NEGR1: variants seen among roughly 807,000 people sequenced by gnomAD.
The protein encoded by NEGR1 is IgLON family member 4.
In NEGR1, 10 loss-of-function variants were observed where a neutral mutation model predicts 40.9. The ratio of observed to expected loss-of-function variants is 0.24; its 90% confidence interval spans 0.15 to 0.42. The LOEUF (loss-of-function observed/expected upper bound fraction) is 0.42. Ranked by LOEUF, NEGR1 falls within the 10% of genes least tolerant of loss-of-function variation. The probability of loss-of-function intolerance (pLI) is 1.00; values close to 1 mark genes in which losing one functional copy is unlikely to be tolerated. For synonymous variants in NEGR1, 185 were observed against 166.8 expected (o/e 1.11, Z -0.84); for missense variants, 352 against 438.9 (o/e 0.80, Z 1.77).
At chr1:72,142,252 C>A (rs1650708789) in intron 1 of NEGR1, among the ~76,000 whole-genome samples, 1 of 151,728 alleles carries the variant, frequency 6.6e-6, no homozygotes, top group South Asian at 2.1e-4. Flanking sequence ...TGATTTTTTT[C>A]ATTTCTACTA....
intron 6 of NEGR1, among the ~76,000 whole-genome samples, chr1:71,443,751 G>GTGAGAAACATACTTTAGTTTTTTC (rs1252222396): frequency 3.3e-5 from 5 of 152,106 alleles, no homozygotes; most frequent in Non-Finnish European, 1.5e-5. Context: ...TTTATAATTT[G>GTGAGAAACATACTTTAGTTTTTTC]TGAGAAACAT....
At chr1:71,500,292 A>G (rs546471193) in intron 6 of NEGR1, among the ~76,000 whole-genome samples, 19 of 152,156 alleles carry the variant, frequency 1.2e-4, no homozygotes, top group African/African-American at 4.6e-4. Flanking sequence ...AAAGCTATGT[A>G]CGGCCAAATT....
intron 4 of NEGR1, among the ~76,000 whole-genome samples, chr1:71,635,229 A>G (rs548439186): frequency 6.6e-6 from 1 of 152,220 alleles, no homozygotes. Context: ...CACATTAATT[A>G]TTACTGGTTC....
intron 6 of NEGR1, among the ~76,000 whole-genome samples, chr1:71,581,135 T>C (rs769173870): frequency 1.3e-5 from 2 of 152,150 alleles, no homozygotes; most frequent in Non-Finnish European, 2.9e-5. Context: ...ATTGTAGAAA[T>C]ATTATAAAAT....
intron 2 of NEGR1, among the ~76,000 whole-genome samples, chr1:71,788,633 T>A (rs2101732443): frequency 6.6e-6 from 1 of 152,152 alleles, no homozygotes; most frequent in Non-Finnish European, 1.5e-5. Flanking sequence ...TATTATATAT[T>A]GCCTTAGATC....
chr1:71,675,593 G>GA (rs1159504684), intron 4 of NEGR1, among the ~76,000 whole-genome samples: 4 of 151,690 alleles, frequency 2.6e-5, no homozygotes, highest in Non-Finnish European at 4.4e-5. Context: ...CATGCATGAG[G>GA]AAAAATCTGT....
chr1:71,904,143 G>T (rs1661215279), intron 2 of NEGR1, among the ~76,000 whole-genome samples: 1 of 151,780 alleles, frequency 6.6e-6, no homozygotes, highest in African/African-American at 2.4e-5. Flanking sequence ...AAGCAGTTGT[G>T]ACAGCATTTC....
chr1:71,579,470 T>C (rs1649061417), intron 6 of NEGR1, among the ~76,000 whole-genome samples: 1 of 152,236 alleles, frequency 6.6e-6, no homozygotes, highest in Non-Finnish European at 1.5e-5. Flanking sequence ...CATTACTGGT[T>C]AATCTTATGT....
chr1:72,175,264 C>T (rs964171101), intron 1 of NEGR1, among the ~76,000 whole-genome samples: 4 of 152,108 alleles, frequency 2.6e-5, no homozygotes, highest in African/African-American at 9.7e-5. Context: ...CCATCAACAA[C>T]AGATGAAGAT....
chr1:71,575,947 A>AGATGTTCAACC, intron 6 of NEGR1, among the ~76,000 whole-genome samples: 1 of 152,334 alleles, frequency 6.6e-6, no homozygotes, highest in South Asian at 2.1e-4. Context: ...CTGCTATTAC[A>AGATGTTCAACC]GATGTTCAAC....
At chr1:72,142,029 A>G (rs1040435731) in intron 1 of NEGR1, among the ~76,000 whole-genome samples, 5 of 152,018 alleles carry the variant, frequency 3.3e-5, no homozygotes, top group African/African-American at 1.2e-4. Flanking sequence ...GTACCCAGGC[A>G]ATCATCATAA....
chr1:71,842,469 C>T (rs767206887), intron 2 of NEGR1, among the ~76,000 whole-genome samples: 7 of 151,990 alleles, frequency 4.6e-5, no homozygotes, highest in South Asian at 2.1e-4. Flanking sequence ...AGGATCTTAA[C>T]GAAATAAGGA....
chr1:71,523,052 A>C (rs1274923888), intron 6 of NEGR1, among the ~76,000 whole-genome samples: 1 of 151,954 alleles, frequency 6.6e-6, no homozygotes, highest in Non-Finnish European at 1.5e-5. Flanking sequence ...TGTTTGTTTA[A>C]ATGAACAAAA....
intron 1 of NEGR1, among the ~76,000 whole-genome samples, chr1:72,196,265 C>T (rs1170000490): frequency 2.6e-5 from 4 of 151,836 alleles, no homozygotes; most frequent in African/African-American, 9.7e-5. Flanking sequence ...GGATGCTCAA[C>T]CTGTATATTG....
intron 5 of NEGR1, among the ~76,000 whole-genome samples, chr1:71,603,019 A>G (rs1047048237): frequency 6.6e-6 from 1 of 152,248 alleles, no homozygotes; most frequent in African/African-American, 2.4e-5. Flanking sequence ...ATCAAATGAA[A>G]TAAATAAAAT....
chr1:72,058,575 A>G (rs1647133990), intron 1 of NEGR1, among the ~76,000 whole-genome samples: 1 of 151,712 alleles, frequency 6.6e-6, no homozygotes, highest in East Asian at 1.9e-4. Context: ...TTTTCAAATA[A>G]CAATTACCAG....
chr1:71,509,271 G>T (rs1266350537), intron 6 of NEGR1, among the ~76,000 whole-genome samples: 3 of 152,316 alleles, frequency 2.0e-5, no homozygotes, highest in African/African-American at 7.2e-5. Context: ...AAGGATGCAT[G>T]GGGAAATCAG....
chr1:72,173,967 T>A (rs532455499), intron 1 of NEGR1, among the ~76,000 whole-genome samples: 1 of 151,970 alleles, frequency 6.6e-6, no homozygotes, highest in Non-Finnish European at 1.5e-5. Flanking sequence ...ATAATAATGA[T>A]AGTGGCAATG....
chr1:72,103,241 A>G (rs146145948), intron 1 of NEGR1, among the ~76,000 whole-genome samples: 62 of 152,232 alleles, frequency 4.1e-4, no homozygotes, highest in African/African-American at 1.4e-3. Flanking sequence ...ATATGGTACT[A>G]TGCTCCACTG....
Sources: allele counts gnomAD v4.1 joint callset (sites outside exome capture counted in the v4.1 genomes callset), GRCh38; gene constraint gnomAD v4.1.1; transcripts MANE v1.5; gene names NCBI Gene and HGNC (gene_info 2026-07-23, HGNC 2026-07-21).